FRAS1: variants seen among roughly 807,000 people sequenced by gnomAD.
The protein encoded by FRAS1 is Fraser extracellular matrix complex subunit 1.
Under a neutral mutation model 435.2 loss-of-function variants are expected in FRAS1, and 290 were observed. That is an observed-to-expected ratio of 0.67 (90% CI 0.61 to 0.73). The LOEUF (loss-of-function observed/expected upper bound fraction) is 0.73, where lower values mean the gene tolerates loss of function less well. Among genes scored for constraint, FRAS1 ranks in the 30% least tolerant of loss-of-function variants. The pLI, the probability that FRAS1 is intolerant of heterozygous loss-of-function variation, is 0.00. For synonymous variants in FRAS1, 1,800 were observed against 1,851.0 expected, an observed-to-expected ratio of 0.97 and a Z score of 0.71; for missense variants, 4,860 against 5,001.5, an observed-to-expected ratio of 0.97 and a Z score of 0.85.
At chr4:78,360,959 A>G (rs1199262535) in intron 20 of FRAS1, among the ~76,000 whole-genome samples, 2 of 152,208 alleles carry the variant, frequency 1.3e-5, no homozygotes, top group Non-Finnish European at 2.9e-5. Flanking sequence ...AGATGCAACT[A>G]GTCTTTAGAC....
Position 78,430,157 on chromosome 4 carries a change from A to G in FRAS1, c.4844-135A>G, listed in dbSNP as rs1011526338. On this transcript the variant is annotated intron_variant, in intron 36 of 73. Coordinates refer to ENST00000512123, the MANE Select transcript of FRAS1 (RefSeq NM_025074.7). Reference sequence around the variant, plus strand: ...TTTTTACTCTTTTGTGCCTGATTGGAATGAAGCAGTGCTTTCTGATAACAA... The same window carrying G: ...TTTTTACTCTTTTGTGCCTGATTGGGATGAAGCAGTGCTTTCTGATAACAA... The G allele has an allele frequency of 8.1e-6, 8 of 993,524 alleles. No homozygotes were observed. In the African/African-American group the frequency reaches 1.3e-4, roughly 16 times the overall value. 61.5% of individuals were successfully genotyped at this position (993,524 alleles called of 1,614,324 possible).
At chr4:78,137,944 G>A (rs1436716032) in intron 2 of FRAS1, among the ~76,000 whole-genome samples, 1 of 152,204 alleles carries the variant, frequency 6.6e-6, no homozygotes. Flanking sequence ...ACATACAGAA[G>A]GCCGGATGAA....
intron 15 of FRAS1, among the ~76,000 whole-genome samples, chr4:78,313,469 C>T (rs1007612291): frequency 2.0e-5 from 3 of 152,080 alleles, no homozygotes; most frequent in Admixed American, 6.5e-5. Context: ...CTCAGCAGTT[C>T]TCTATTTTTG....
chr4:78,265,175 T>G lies in FRAS1; in HGVS notation c.687+67T>G, dbSNP rs1038789451. 5.0e-6 allele frequency: 5 copies of G among 996,926 alleles called. No homozygotes were observed. In the African/African-American group the frequency reaches 7.9e-5, roughly 16 times the overall value. The allele number at this position is 996,926 out of a possible 1,614,324, so 61.8% of individuals were successfully genotyped here. Reference sequence around the variant, plus strand: ...TCTCACACATCTGCCCTCCACCCACTCCAGCCACCATAAGTCACCACCCTC... The same window carrying G: ...TCTCACACATCTGCCCTCCACCCACGCCAGCCACCATAAGTCACCACCCTC... On this transcript the variant is annotated intron_variant, in intron 7 of 73. Coordinates refer to ENST00000512123, the MANE Select transcript of FRAS1 (RefSeq NM_025074.7).
At chr4:78,318,550 G>A (rs1439517556) in intron 17 of FRAS1, among the ~76,000 whole-genome samples, 3 of 152,160 alleles carry the variant, frequency 2.0e-5, no homozygotes, top group Non-Finnish European at 2.9e-5. Flanking sequence ...TGCTGTTTTT[G>A]CTCATTTGTT....
chr4:78,491,995 C>G (rs886299415), intron 59 of FRAS1, among the ~76,000 whole-genome samples: 1 of 152,150 alleles, frequency 6.6e-6, no homozygotes, highest in Admixed American at 6.5e-5. Flanking sequence ...CACAAGCATT[C>G]CTATACAACT....
chr4:78,239,457 A>G (rs1460836842), intron 3 of FRAS1, among the ~76,000 whole-genome samples: 1 of 152,032 alleles, frequency 6.6e-6, no homozygotes, highest in African/African-American at 2.4e-5. Context: ...TGCTGTTTCT[A>G]TACTTGCCTT....
intron 59 of FRAS1, among the ~76,000 whole-genome samples, chr4:78,490,702 G>A (rs1245318147): frequency 6.6e-6 from 1 of 152,132 alleles, no homozygotes; most frequent in Non-Finnish European, 1.5e-5. Flanking sequence ...GAGAAAGTGG[G>A]AAAGGTCTAA....
At position 78,057,988 on chromosome 4, in the gene FRAS1, C is replaced by T; in HGVS notation, c.-22C>T. 1 of 1,612,558 alleles carries T rather than the reference C, an allele frequency of 6.2e-7. No homozygotes were observed. The highest frequency in any genetic ancestry group is 1.7e-5 in the Admixed American group (1 of 59,996). ...TTGGATGCTGAAGGCTGGGCTCCTC[C>T]ATCGTGGGTGCCGAGGCGGCGATGG... On this transcript the variant is annotated 5_prime_UTR_variant, in exon 1 of 74. Coordinates refer to ENST00000512123, the MANE Select transcript of FRAS1 (RefSeq NM_025074.7). The surrounding 1 kb of genome is among the most constrained non-coding windows in gnomAD (Gnocchi z 4.2).
At chr4:78,319,015 A>G (rs184379789) in intron 18 of FRAS1, 29 bp downstream of exon 18, 1,283 of 1,609,920 alleles carry the variant, frequency 8.0e-4, no homozygotes, top group Non-Finnish European at 6.8e-4. Context: ...AGTGTTAGGT[A>G]GCCTCTGGGC....
chr4:78,326,258 A>T (rs1402220452), intron 18 of FRAS1, among the ~76,000 whole-genome samples: 7 of 152,174 alleles, frequency 4.6e-5, no homozygotes, highest in African/African-American at 1.7e-4. Flanking sequence ...GATCCTTATT[A>T]AGGGGCTGTG....
chr4:78,174,665 A>G (rs1721690346), intron 2 of FRAS1, among the ~76,000 whole-genome samples: 1 of 152,246 alleles, frequency 6.6e-6, no homozygotes, highest in Admixed American at 6.5e-5. Context: ...ATCTTCATGC[A>G]TTAAAGTCAC....
intron 42 of FRAS1, chr4:78,445,954 C>T (rs892548537): frequency 1.4e-5 from 18 of 1,298,226 alleles, no homozygotes; most frequent in Non-Finnish European, 1.8e-5. Flanking sequence ...GTGTGAAAAA[C>T]AGTTTGTGAA....
chr4:78,504,768 T>G (rs1468341202), intron 61 of FRAS1, among the ~76,000 whole-genome samples: 1 of 152,238 alleles, frequency 6.6e-6, no homozygotes, highest in Non-Finnish European at 1.5e-5. Flanking sequence ...CCTGTCATTA[T>G]GATATTAGCT....
chr4:78,413,467 C>T (rs1174183672), intron 32 of FRAS1, among the ~76,000 whole-genome samples: 1 of 152,166 alleles, frequency 6.6e-6, no homozygotes, highest in East Asian at 1.9e-4. Flanking sequence ...ATTCCATCTT[C>T]TAGAAGCCCT....
chr4:78,397,932 T>A (rs1732737119), intron 29 of FRAS1, among the ~76,000 whole-genome samples: 1 of 152,144 alleles, frequency 6.6e-6, no homozygotes, highest in South Asian at 2.1e-4. Flanking sequence ...GAAACTGTGT[T>A]TCTTACCCTC....
chr4:78,196,237 G>T (rs2110070266), intron 2 of FRAS1, among the ~76,000 whole-genome samples: 1 of 152,244 alleles, frequency 6.6e-6, no homozygotes, highest in Non-Finnish European at 1.5e-5. Context: ...TTGATCTCCT[G>T]ACCTTGTGAT....
chr4:78,460,592 G>A (rs1719341176), intron 47 of FRAS1, among the ~76,000 whole-genome samples: 4 of 152,216 alleles, frequency 2.6e-5, no homozygotes, highest in Non-Finnish European at 4.4e-5. Flanking sequence ...TGCATTGTCA[G>A]GCGGTTTCAT....
intron 2 of FRAS1, among the ~76,000 whole-genome samples, chr4:78,218,135 A>C (rs921661597): frequency 5.0e-5 from 3 of 60,164 alleles, no homozygotes; most frequent in Admixed American, 1.8e-4. Flanking sequence ...CACACACACA[A>C]GTTGTATTTA....
Sources: allele counts gnomAD v4.1 joint callset (sites outside exome capture counted in the v4.1 genomes callset), GRCh38; gene constraint gnomAD v4.1.1; non-coding constraint Gnocchi (gnomAD v3.1); transcripts MANE v1.5; gene names NCBI Gene and HGNC (gene_info 2026-07-23, HGNC 2026-07-21).